The following HEY2 variants were observed in gnomAD, a reference collection of about 807,000 sequenced individuals.
The protein encoded by HEY2 is hairy/enhancer-of-split related with YRPW motif protein 2.
Under a neutral mutation model 18.1 loss-of-function variants are expected in HEY2, and 10 were observed. That is an observed-to-expected ratio of 0.55 (90% confidence interval 0.34 to 0.94). The LOEUF (loss-of-function observed/expected upper bound fraction) is 0.94. Ranked by LOEUF, HEY2 falls within the 40% of genes least tolerant of loss-of-function variation. The probability of loss-of-function intolerance (pLI) is 0.02; values close to 1 mark genes in which losing one functional copy is unlikely to be tolerated. For missense variants in HEY2, 455 were observed against 455.9 expected, an observed-to-expected ratio of 1.00 and a Z score of 0.02; for synonymous variants, 210 against 182.7, an observed-to-expected ratio of 1.15 and a Z score of -1.21.
At chr6:125,754,609 T>TC (rs1562707927) in intron 4 of HEY2, 63 bp downstream of exon 4, 21 of 864,844 alleles carry the variant, frequency 2.4e-5, no homozygotes, top group African/African-American at 5.1e-5. Context: ...TTCATGTTAT[T>TC]CCCCCTAATA....
intron 1 of HEY2, 28 bp downstream of exon 1, chr6:125,749,887 C>G (rs1006029053): frequency 6.5e-7 from 1 of 1,536,316 alleles, no homozygotes. Flanking sequence ...GGGAGCGGCC[C>G]GCAGCTCGGG....
In HEY2 at chr6:125,752,088, C is replaced by T; in HGVS notation, c.244C>T (p.Gln82Ter). 6.2e-7 allele frequency: 1 copy of T among 1,608,332 alleles called. No homozygotes were observed. The highest frequency in any genetic ancestry group is 8.5e-7 in the Non-Finnish European group (1 of 1,175,222). Residue 82 changes from glutamine to a stop codon, truncating the protein, a stop_gained and splice_region_variant, in exon 3 of 5, where the codon CAA (glutamine) becomes TAA (stop). Transcript: ENST00000368364. LOFTEE classifies it high-confidence loss of function. Reference sequence around the variant, plus strand: ...ACTTGTGCCAACTGCTTTTGAAAAACAAGTAAGCTATCCCCTCCCCAGAAT... The same window carrying T: ...ACTTGTGCCAACTGCTTTTGAAAAATAAGTAAGCTATCCCCTCCCCAGAAT... ...RRLVPTAFEK[Q>*]GSAKLEKAEI...
chr6:125,755,512 A>C (rs991546785), intron 4 of HEY2, among the ~76,000 whole-genome samples: 2 of 152,190 alleles, frequency 1.3e-5, no homozygotes, highest in Non-Finnish European at 2.9e-5. Context: ...ACCTTTTACT[A>C]CACTGTATAC....
intron 4 of HEY2, among the ~76,000 whole-genome samples, chr6:125,758,019 C>T (rs924260314): frequency 6.6e-6 from 1 of 152,136 alleles, no homozygotes; most frequent in Non-Finnish European, 1.5e-5. Context: ...TACACATCCC[C>T]AAAATGAATA....
intron 4 of HEY2, among the ~76,000 whole-genome samples, chr6:125,757,547 A>G (rs963261761): frequency 2.6e-5 from 4 of 152,256 alleles, no homozygotes; most frequent in African/African-American, 9.6e-5. Flanking sequence ...TGTGACTACT[A>G]TCTCCAAAGT....
chr6:125,758,284 G>C (rs992493433), intron 4 of HEY2, among the ~76,000 whole-genome samples: 1 of 152,126 alleles, frequency 6.6e-6, no homozygotes, highest in East Asian at 1.9e-4. Flanking sequence ...GTAACCATAG[G>C]TATAGGAGTG....
chr6:125,756,343 G>A (rs1018051446), intron 4 of HEY2, among the ~76,000 whole-genome samples: 2 of 152,082 alleles, frequency 1.3e-5, no homozygotes, highest in East Asian at 1.9e-4. Context: ...CGAGGTGGGC[G>A]GATCACCTGA....
At chr6:125,750,194 C>T in intron 1 of HEY2, 1 of 956,138 alleles carries the variant, frequency 1.0e-6, no homozygotes, top group Non-Finnish European at 1.2e-6. Flanking sequence ...CCACTGAAAC[C>T]GTATTTGGGG....
chr6:125,754,945 T>C (rs1221851948), intron 4 of HEY2, among the ~76,000 whole-genome samples: 1 of 152,236 alleles, frequency 6.6e-6, no homozygotes, highest in African/African-American at 2.4e-5. Flanking sequence ...TCTGCTTCTT[T>C]CTTCCTACTC....
chr6:125,757,706 T>C (rs1773691771), intron 4 of HEY2, among the ~76,000 whole-genome samples: 1 of 152,196 alleles, frequency 6.6e-6, no homozygotes, highest in African/African-American at 2.4e-5. Flanking sequence ...CCCAGCACTT[T>C]GGGAAGCCGA....
At chr6:125,749,930 C>T in intron 1 of HEY2, 71 bp downstream of exon 1, 1 of 1,243,792 alleles carries the variant, frequency 8.0e-7, no homozygotes, top group South Asian at 1.3e-5. Flanking sequence ...GCGTGGCTCC[C>T]TGGAAATCCC....
At chr6:125,750,525 A>C (rs942818995) in intron 1 of HEY2, 32 of 409,970 alleles carry the variant, frequency 7.8e-5, no homozygotes, top group Non-Finnish European at 1.1e-4. Flanking sequence ...AAGGCGGGTC[A>C]AATGATAATT....
intron 4 of HEY2, among the ~76,000 whole-genome samples, chr6:125,756,529 T>G (rs1025857626): frequency 1.3e-5 from 2 of 151,906 alleles, no homozygotes; most frequent in Non-Finnish European, 2.9e-5. Context: ...ATCGCGCCAT[T>G]GCACTCCAGC....
chr6:125,754,428 G>C, intron 3 of HEY2, 37 bp from the exon 4 acceptor site: 1 of 1,262,290 alleles, frequency 7.9e-7, no homozygotes, highest in Non-Finnish European at 1.1e-6. Context: ...GTTTCTGTAG[G>C]ACATAGGATT....
chr6:125,752,932 T>C (rs1255938420), intron 3 of HEY2, among the ~76,000 whole-genome samples: 1 of 152,232 alleles, frequency 6.6e-6, no homozygotes, highest in African/African-American at 2.4e-5. Flanking sequence ...ACTTCATGAA[T>C]CTGCAAACAT....
In HEY2 at chr6:125,760,408, G is replaced by A. The variant is rs1447066082; in HGVS notation, c.*606G>A. On this transcript the variant is annotated 3_prime_UTR_variant, in exon 5 of 5. Transcript: ENST00000368364. The stretch of plus-strand genomic sequence containing the variant: ...GCTGAAAATAATTTTCAAGTTGAAA[G>A]ATCTAGTTTTATCTTAGTTTGCCTT... The A allele has an allele frequency of 6.5e-6, 1 of 152,914 alleles. No homozygotes were observed. Among genetic ancestry groups the A allele is most frequent in the East Asian group, 1.9e-4 (1 of 5,208 alleles). The allele number at this position is 152,914 out of a possible 1,614,324, so 9.5% of individuals were successfully genotyped here. A position where few individuals can be genotyped will look rare whatever the true frequency, so the allele number is the denominator to read the frequency against.
chr6:125,755,301 A>G (rs1015711829), intron 4 of HEY2, among the ~76,000 whole-genome samples: 2 of 152,226 alleles, frequency 1.3e-5, no homozygotes, highest in African/African-American at 4.8e-5. Flanking sequence ...TAGTTCACTC[A>G]GATTTCATTA....
At position 125,759,865 on chromosome 6, in the gene HEY2, C is replaced by T; in HGVS notation, c.*63C>T. On this transcript the variant is annotated 3_prime_UTR_variant, in exon 5 of 5. Coordinates refer to ENST00000368364, the MANE Select transcript of HEY2 (RefSeq NM_012259.3). ...CTCCATTTCAGAGTCAGCTTAAAAC[C>T]TCTGCACCCTGAAGGTAGCCATACA... 1 of 1,369,338 alleles carries T rather than the reference C, an allele frequency of 7.3e-7. No individual in the cohort carries two copies. The highest frequency in any genetic ancestry group is 1.3e-5 in the South Asian group (1 of 79,388). 84.8% of individuals were successfully genotyped at this position (1,369,338 alleles called of 1,614,324 possible).
rs1773753050 is a variant in HEY2 at position 125,759,687 on chromosome 6, C to T, written c.899C>T (p.Ala300Val). 3 of 1,612,680 alleles carry T rather than the reference C, an allele frequency of 1.9e-6. No homozygotes were observed. Among genetic ancestry groups the T allele is most frequent in the Non-Finnish European group, 1.7e-6 (2 of 1,180,028 alleles). ...PPNAAAAVAA[A>V]TAISPPLSVS... The stretch of plus-strand genomic sequence containing the variant: ...AACGCAGCAGCAGCAGTGGCCGCGG[C>T]CACAGCCATCAGCCCGCCCTTGTCA... The change falls in exon 5 of 5, where the codon GCC becomes GTC. Residue 300 changes from alanine (A) to valine (V), a missense_variant. Coordinates refer to ENST00000368364, the MANE Select transcript of HEY2 (RefSeq NM_012259.3).
Sources: gnomAD v4.1 joint callset for allele counts (sites outside exome capture counted in the v4.1 genomes callset) on GRCh38, gnomAD v4.1.1 for gene constraint, MANE v1.5 for transcripts, NCBI Gene and HGNC (gene_info 2026-07-23, HGNC 2026-07-21) for gene names.